The following KALRN variants were observed in gnomAD, a reference collection of about 807,000 sequenced individuals.
The protein encoded by KALRN is kalirin.
KALRN carries 70 observed loss-of-function variants against 353.7 expected under a neutral mutation model. The ratio of observed to expected loss-of-function variants is 0.20; its 90% CI spans 0.16 to 0.24. The LOEUF is 0.24. Ranked by LOEUF, KALRN falls within the 10% of genes least tolerant of loss-of-function variation. The probability of loss-of-function intolerance (pLI) is 1.00; values close to 1 mark genes in which losing one functional copy is unlikely to be tolerated. For missense variants in KALRN, 2,791 were observed against 3,756.7 expected (o/e 0.74, Z 6.72); for synonymous variants, 1,391 against 1,434.8 (o/e 0.97, Z 0.69).
In KALRN at chr3:124,666,577, T is replaced by C; in HGVS notation, c.6474T>C (p.Ser2158=). The part of the protein sequence containing the change: ...VFLFEQIVIF[S]ELLRKGSLTP... ...TCTTCGAGCAGATTGTCATCTTCAG[T>C]GAACTGCTCAGGAAGGGATCCCTCA... Residue 2158 remains serine, a synonymous_variant, in exon 46 of 60, where the codon AGT becomes AGC. Transcript: ENST00000682506. 1 of 1,614,110 alleles carries C rather than the reference T, an allele frequency of 6.2e-7. No individual in the cohort carries two copies. Among genetic ancestry groups the C allele is most frequent in the East Asian group, 2.2e-5 (1 of 44,882 alleles).
At chr3:124,705,070 A>G in intron 57 of KALRN, among the ~76,000 whole-genome samples, 1 of 152,182 alleles carries the variant, frequency 6.6e-6, no homozygotes, top group South Asian at 2.1e-4. Context: ...GCACTTGAGT[A>G]TGGCGTGTTT....
chr3:124,222,592 T>G (rs1349244861), intron 1 of KALRN, among the ~76,000 whole-genome samples: 3 of 152,034 alleles, frequency 2.0e-5, no homozygotes, highest in African/African-American at 7.2e-5. Context: ...ATCAGCTGGG[T>G]TTTTTTGTGT....
intron 1 of KALRN, chr3:124,100,535 G>A (rs555242426): frequency 3.3e-5 from 5 of 152,282 alleles, no homozygotes; most frequent in South Asian, 2.1e-4. Flanking sequence ...AAAGACTTAC[G>A]TGTAAGACCA....
chr3:124,328,349 G>A (rs1298639064), intron 7 of KALRN, among the ~76,000 whole-genome samples: 1 of 152,180 alleles, frequency 6.6e-6, no homozygotes, highest in Non-Finnish European at 1.5e-5. Flanking sequence ...GATTGGTAAG[G>A]AAGACCCAAC....
chr3:124,083,518 A>T (rs1686165155), intron 1 of KALRN, among the ~76,000 whole-genome samples: 1 of 152,206 alleles, frequency 6.6e-6, no homozygotes, highest in African/African-American at 2.4e-5. Context: ...TGACAACATA[A>T]TGATAATCAT....
At chr3:124,560,110 C>G (rs1051204496) in intron 33 of KALRN, among the ~76,000 whole-genome samples, 1 of 152,212 alleles carries the variant, frequency 6.6e-6, no homozygotes, top group Non-Finnish European at 1.5e-5. Flanking sequence ...TATCCTCTCC[C>G]GTCCAGCCCA....
At chr3:124,534,692 A>G (rs575939905) in intron 33 of KALRN, among the ~76,000 whole-genome samples, 5 of 152,304 alleles carry the variant, frequency 3.3e-5, no homozygotes, top group Non-Finnish European at 5.9e-5. Flanking sequence ...GCAAATTGGA[A>G]GGAGAGGAAG....
At chr3:124,243,384 C>A (rs956475222) in intron 3 of KALRN, among the ~76,000 whole-genome samples, 1 of 152,116 alleles carries the variant, frequency 6.6e-6, no homozygotes, top group Non-Finnish European at 1.5e-5. Context: ...CCCTGGAGAA[C>A]AATAACTGGA....
At chr3:124,042,483 G>A (rs1345671351) in intron 1 of KALRN, among the ~76,000 whole-genome samples, 1 of 152,184 alleles carries the variant, frequency 6.6e-6, no homozygotes, top group African/African-American at 2.4e-5. Flanking sequence ...TGATAGGCTA[G>A]GAGAGTCTGA....
At chr3:124,257,045 A>G (rs1403963329) in intron 3 of KALRN, among the ~76,000 whole-genome samples, 1 of 152,222 alleles carries the variant, frequency 6.6e-6, no homozygotes, top group Non-Finnish European at 1.5e-5. Context: ...TTCTTGCAAT[A>G]AATGACTCCA....
In KALRN at chr3:124,719,134, T is replaced by C. The variant is rs376340131; in HGVS notation, c.8625T>C (p.Ser2875=). ...GGGTTCTGACATATGTCATGCTGAG[T>C]GGGGTCTCCCCCTTCTTGGATGAGA... The part of the protein sequence containing the change: ...SIGVLTYVML[S]GVSPFLDESK... Residue 2875 remains serine, a synonymous_variant, in exon 60 of 60, where the codon AGT becomes AGC. Transcript: ENST00000682506. The surrounding 1 kb of genome is among the most constrained non-coding windows in gnomAD (Gnocchi z 5.3). 1 of 1,614,094 alleles carries C rather than the reference T, an allele frequency of 6.2e-7. No homozygotes were observed. The highest frequency in any genetic ancestry group is 8.5e-7 in the Non-Finnish European group (1 of 1,180,044).
At chr3:124,254,770 T>C (rs907254742) in intron 3 of KALRN, among the ~76,000 whole-genome samples, 2 of 152,176 alleles carry the variant, frequency 1.3e-5, no homozygotes, top group African/African-American at 4.8e-5. Context: ...GCTGGAAGAT[T>C]TGAGGTCCTC....
intron 33 of KALRN, among the ~76,000 whole-genome samples, chr3:124,542,465 A>G (rs1364677413): frequency 6.6e-6 from 1 of 152,228 alleles, no homozygotes; most frequent in East Asian, 1.9e-4. Flanking sequence ...AGCATAAAAT[A>G]TTCCATTTGT....
At chr3:124,296,275 C>A (rs1035058198) in intron 5 of KALRN, among the ~76,000 whole-genome samples, 2 of 152,128 alleles carry the variant, frequency 1.3e-5, no homozygotes, top group African/African-American at 4.8e-5. Context: ...ATACAATTTC[C>A]CACCCAAGCT....
At chr3:124,383,330 G>A (rs1041145616) in intron 10 of KALRN, among the ~76,000 whole-genome samples, 4 of 152,174 alleles carry the variant, frequency 2.6e-5, no homozygotes, top group Non-Finnish European at 5.9e-5. Context: ...AAAGCACCAC[G>A]AGACTGTGAC....
At position 124,697,049 on chromosome 3, in the gene KALRN, A is replaced by G. The variant is rs146240337; in HGVS notation, c.7700-544A>G. 4.3e-3 allele frequency among the ~76,000 whole-genome samples: 651 copies of G among 152,244 alleles called. 2 individuals carry two copies. Among genetic ancestry groups the G allele is most frequent in the African/African-American group, 0.015 (619 of 41,538 alleles). ...ATCCTCCCACCTCAGCCTTCCAACT[A>G]GCTAGGACTATAGGCATGTGCCACC... is the stretch of plus-strand genomic sequence containing the variant. On this transcript the variant is annotated intron_variant, in intron 54 of 59. Transcript: ENST00000682506.
chr3:124,659,352 G>T lies in KALRN; in HGVS notation c.6124-13G>T. ...AGTTCCTTTTTCTTCTAATATTGCT[G>T]CCTGTGTTTCAGGAGGTAAAACAGG... On this transcript the variant is annotated splice_polypyrimidine_tract_variant and intron_variant, in intron 42 of 59. Coordinates refer to ENST00000682506, the MANE Select transcript of KALRN (RefSeq NM_001388419.1). 1 of 1,583,500 alleles carries T rather than the reference G, an allele frequency of 6.3e-7. No individual in the cohort carries two copies. The highest frequency in any genetic ancestry group is 8.7e-7 in the Non-Finnish European group (1 of 1,152,134).
Position 124,430,989 on chromosome 3 carries a change from A to G in KALRN, c.2829+214A>G, listed in dbSNP as rs944317146. 2.5e-4 allele frequency among the ~76,000 whole-genome samples: 38 copies of G among 152,196 alleles called. 1 individual carries two copies. Among genetic ancestry groups the G allele is most frequent in the Non-Finnish European group, 7.3e-5 (5 of 68,034 alleles). ...GGAGGCCTGGTATTAGAAAACAAGT[A>G]TTCACACTTCATATGAGAATCTTTG... On this transcript the variant is annotated intron_variant, in intron 16 of 59. Transcript: ENST00000682506.
In KALRN at chr3:124,518,419, G is replaced by A. The variant is rs1271817050; in HGVS notation, c.4935+22006G>A. On this transcript the variant is annotated intron_variant, in intron 33 of 59. Transcript: ENST00000682506. ...TAACAGGATGGCAACCTTGTTCCTC[G>A]GTGGCACCTGGGACCTGGAGATCCT... is the stretch of plus-strand genomic sequence containing the variant. 5.6e-6 allele frequency: 9 copies of A among 1,613,944 alleles called. No individual in the cohort carries two copies. The highest frequency in any genetic ancestry group is 4.5e-5 in the East Asian group (2 of 44,890).
Sources: allele counts gnomAD v4.1 joint callset (sites outside exome capture counted in the v4.1 genomes callset), GRCh38; gene constraint gnomAD v4.1.1; non-coding constraint Gnocchi (gnomAD v3.1); transcripts MANE v1.5; gene names NCBI Gene and HGNC (gene_info 2026-07-23, HGNC 2026-07-21).